The following CTNNA3 variants were observed in gnomAD, a reference collection of about 807,000 sequenced individuals.
CTNNA3 encodes the protein catenin alpha 3, also known as catenin alpha-3.
Under a neutral mutation model 95.7 loss-of-function variants are expected in CTNNA3, and 76 were observed. The observed-to-expected ratio is 0.79, with a 90% CI of 0.66 to 0.96. The LOEUF is 0.96. CTNNA3 is among the 40% of genes least tolerant of loss of function. The probability of loss-of-function intolerance (pLI) is 0.00; values close to 1 mark genes in which losing one functional copy is unlikely to be tolerated. For missense variants in CTNNA3, 1,191 were observed against 1,089.8 expected (o/e 1.09, Z -1.31); for synonymous variants, 431 against 374.4 (o/e 1.15, Z -1.74).
At chr10:66,593,238 G>A (rs1473754381) in intron 10 of CTNNA3, among the ~76,000 whole-genome samples, 4 of 152,104 alleles carry the variant, frequency 2.6e-5, no homozygotes, top group African/African-American at 9.7e-5. Context: ...GGCAGGGTGA[G>A]AACAGAACTA....
At chr10:67,638,646 C>T (rs1349655106) in intron 2 of CTNNA3, among the ~76,000 whole-genome samples, 2 of 152,070 alleles carry the variant, frequency 1.3e-5, no homozygotes, top group East Asian at 3.8e-4. Context: ...GAACAGAAAT[C>T]ATAACAAACT....
intron 12 of CTNNA3, among the ~76,000 whole-genome samples, chr10:66,374,691 T>A (rs983762568): frequency 2.2e-5 from 3 of 138,704 alleles, no homozygotes; most frequent in South Asian, 2.5e-4. Context: ...CTCAGCTCAC[T>A]GCAACCTCTG....
intron 11 of CTNNA3, among the ~76,000 whole-genome samples, chr10:66,492,004 A>T (rs1346313194): frequency 2.0e-5 from 3 of 151,850 alleles, no homozygotes; most frequent in Non-Finnish European, 4.4e-5. Flanking sequence ...GATTGTTCTT[A>T]TTGTCCCTCT....
chr10:66,919,517 A>G (rs1486934811), intron 7 of CTNNA3, among the ~76,000 whole-genome samples: 1 of 152,190 alleles, frequency 6.6e-6, no homozygotes, highest in African/African-American at 2.4e-5. Flanking sequence ...TGCTGCATAA[A>G]TGTATCTTCA....
chr10:67,009,930 G>A (rs1429364496), intron 7 of CTNNA3, among the ~76,000 whole-genome samples: 1 of 151,974 alleles, frequency 6.6e-6, no homozygotes, highest in Non-Finnish European at 1.5e-5. Context: ...GCATTCTCTG[G>A]TTCTGAAACT....
rs561382446 is a variant in CTNNA3, at chr10:66,583,142, A to G, written c.1374+38550T>C. 2.6e-5 allele frequency among the ~76,000 whole-genome samples: 4 copies of G among 151,790 alleles called. No individual in the cohort carries two copies. In the East Asian group the frequency reaches 7.7e-4, roughly 29 times the overall value. On this transcript the variant is annotated intron_variant, in intron 10 of 17. Transcript: ENST00000433211. ...TCCTTTGCTTTGGTACCAGGGTGAT[A>G]CTGGGCTTGTAGAATGTATTAGGGA...
At chr10:66,543,110 G>GT (rs1181576461) in intron 10 of CTNNA3, among the ~76,000 whole-genome samples, 1 of 152,026 alleles carries the variant, frequency 6.6e-6, no homozygotes, top group Non-Finnish European at 1.5e-5. Flanking sequence ...TTGTTTGTTT[G>GT]TTTTTTCTTG....
At chr10:66,464,005 G>A (rs978638082) in intron 11 of CTNNA3, among the ~76,000 whole-genome samples, 4 of 151,654 alleles carry the variant, frequency 2.6e-5, no homozygotes, top group Non-Finnish European at 4.4e-5. Context: ...TCTACAAATT[G>A]TATTGTTGGC....
chr10:66,165,528 T>C (rs192816502), intron 13 of CTNNA3, among the ~76,000 whole-genome samples: 45 of 152,106 alleles, frequency 3.0e-4, no homozygotes, highest in Non-Finnish European at 5.9e-5. Context: ...AATATTTATA[T>C]GGTGTTGGTT....
chr10:67,747,912 C>G lies in CTNNA3; in HGVS notation c.-2+15522G>C, dbSNP rs1442667847. Among the ~76,000 whole-genome samples the G allele has an allele frequency of 3.9e-5, 6 of 152,146 alleles. No homozygotes were observed. In the East Asian group the frequency reaches 1.2e-3, roughly 29 times the overall value. ...CTAGAATAACCAGTTTAGAGAGGAA[C>G]AATATGACCTGATGAAGCTGAAAAA... On this transcript the variant is annotated intron_variant, in intron 1 of 17. Coordinates refer to the CTNNA3 transcript ENST00000684154.
At chr10:67,164,349 T>C (rs1218758612) in intron 7 of CTNNA3, among the ~76,000 whole-genome samples, 1 of 152,072 alleles carries the variant, frequency 6.6e-6, no homozygotes, top group Non-Finnish European at 1.5e-5. Flanking sequence ...TATGCAGAAG[T>C]AATCCAATGG....
At chr10:66,421,897 G>GATGTATATAT in intron 11 of CTNNA3, among the ~76,000 whole-genome samples, 3 of 108,150 alleles carry the variant, frequency 2.8e-5, no homozygotes, top group African/African-American at 1.0e-4. Flanking sequence ...TAATAAATGT[G>GATGTATATAT]ATATATATAT....
chr10:66,430,614 C>G (rs2093285987), intron 11 of CTNNA3, among the ~76,000 whole-genome samples: 1 of 152,174 alleles, frequency 6.6e-6, no homozygotes, highest in Non-Finnish European at 1.5e-5. Context: ...CTACAACTAT[C>G]TGATCTTTGA....
chr10:66,685,474 G>T (rs532959464), intron 9 of CTNNA3, among the ~76,000 whole-genome samples: 1 of 136,650 alleles, frequency 7.3e-6, no homozygotes, highest in Admixed American at 7.9e-5. Context: ...CCGGGTTCTC[G>T]CCATTCTCCT....
chr10:66,199,805 A>ATATGTATATATATATATTTTT (rs1564756586), intron 13 of CTNNA3, among the ~76,000 whole-genome samples: 13 of 14,292 alleles, frequency 9.1e-4, no homozygotes, highest in Non-Finnish European at 1.1e-3. Context: ...ATATATATAT[A>ATATGTATATATATATATTTTT]TTTTTTTTTT....
At chr10:66,675,321 C>CT (rs1846814769) in intron 9 of CTNNA3, among the ~76,000 whole-genome samples, 1 of 151,478 alleles carries the variant, frequency 6.6e-6, no homozygotes, top group Admixed American at 6.6e-5. Context: ...TACTACATAC[C>CT]TTTTTGCTCA....
chr10:66,360,639 C>CTTTCTTTCTTTCTTCCTTCCTTCCTTCCT (rs2092650771), intron 12 of CTNNA3, among the ~76,000 whole-genome samples: 1 of 56,538 alleles, frequency 1.8e-5, no homozygotes. Context: ...TTCTTTCTTT[C>CTTTCTTTCTTTCTTCCTTCCTTCCTTCCT]TTTCTTTCTT....
At chr10:67,683,337 T>A (rs1840663379) in intron 1 of CTNNA3, among the ~76,000 whole-genome samples, 2 of 152,202 alleles carry the variant, frequency 1.3e-5, no homozygotes, top group African/African-American at 4.8e-5. Flanking sequence ...GGAAACATCA[T>A]GAGGACAGGG....
At chr10:66,456,237 G>GA (rs1339049986) in intron 11 of CTNNA3, among the ~76,000 whole-genome samples, 1 of 152,034 alleles carries the variant, frequency 6.6e-6, no homozygotes, top group Non-Finnish European at 1.5e-5. Flanking sequence ...AAAGGGTTTT[G>GA]AAAAAGAAGA....
Sources: allele counts gnomAD v4.1 joint callset (sites outside exome capture counted in the v4.1 genomes callset), GRCh38; gene constraint gnomAD v4.1.1; transcripts MANE v1.5; gene names NCBI Gene and HGNC (gene_info 2026-07-23, HGNC 2026-07-21).